LAMA2: variants seen among roughly 807,000 people sequenced by gnomAD.
LAMA2 encodes laminin subunit alpha-2.
Under a neutral mutation model 364.8 loss-of-function variants are expected in LAMA2, and 269 were observed. That is an observed-to-expected ratio of 0.74 (90% CI 0.67 to 0.82). LAMA2 has a LOEUF of 0.82. LAMA2 is among the 40% of genes least tolerant of loss of function. The pLI is 0.00. For synonymous variants in LAMA2, 1,379 were observed against 1,370.6 expected (o/e 1.01, Z -0.14); for missense variants, 3,807 against 3,873.2 (o/e 0.98, Z 0.45).
chr6:129,251,419 G>T (rs11966152), intron 13 of LAMA2, among the ~76,000 whole-genome samples: 11 of 151,596 alleles, frequency 7.3e-5, no homozygotes, highest in Admixed American at 5.3e-4. Flanking sequence ...TGTAACTTTC[G>T]TGCACTTTTT....
chr6:129,239,153 G>A (rs1352575485), intron 12 of LAMA2, among the ~76,000 whole-genome samples: 10 of 152,098 alleles, frequency 6.6e-5, no homozygotes, highest in African/African-American at 2.4e-4. Context: ...TCACAACAAC[G>A]CTATGAGGTA....
Position 129,135,947 on chromosome 6 carries a change from A to G in LAMA2, c.640-7954A>G, listed in dbSNP as rs537400187. Reference sequence around the variant, plus strand: ...ACACAAAGATAAATACAATATTTCAACTTCGAGTACTTTTTAAAAATTATT... The same window carrying G: ...ACACAAAGATAAATACAATATTTCAGCTTCGAGTACTTTTTAAAAATTATT... On this transcript the variant is annotated intron_variant, in intron 4 of 64. Transcript: ENST00000421865. Among the ~76,000 whole-genome samples, 70 of 152,314 alleles carry G rather than the reference A, an allele frequency of 4.6e-4. 1 individual carries two copies. In the South Asian group the frequency reaches 6.6e-3, roughly 14 times the overall value.
intron 1 of LAMA2, among the ~76,000 whole-genome samples, chr6:128,996,114 TAAAC>T (rs1403101051): frequency 6.6e-6 from 1 of 152,184 alleles, no homozygotes; most frequent in Non-Finnish European, 1.5e-5. Flanking sequence ...ATGAAGGAAT[TAAAC>T]AAGGTGACAC....
intron 3 of LAMA2, among the ~76,000 whole-genome samples, chr6:129,076,490 A>ATAT (rs932272643): frequency 1.6e-3 from 20 of 12,428 alleles, no homozygotes; most frequent in Non-Finnish European, 4.2e-3. Context: ...TATCTTATAT[A>ATAT]TTATATATAA....
At chr6:129,405,929 A>G (rs746066430) in intron 40 of LAMA2, among the ~76,000 whole-genome samples, 1 of 152,180 alleles carries the variant, frequency 6.6e-6, no homozygotes, top group Non-Finnish European at 1.5e-5. Flanking sequence ...CTTTGAGTCT[A>G]GCCCTATAAA....
chr6:129,434,919 A>G (rs559270490), intron 41 of LAMA2, among the ~76,000 whole-genome samples: 1 of 152,274 alleles, frequency 6.6e-6, no homozygotes, highest in Non-Finnish European at 1.5e-5. Context: ...AGGGCAAATT[A>G]ATAAGGATCA....
At chr6:129,163,331 G>T (rs530825233) in intron 8 of LAMA2, among the ~76,000 whole-genome samples, 2 of 152,086 alleles carry the variant, frequency 1.3e-5, no homozygotes, top group Non-Finnish European at 2.9e-5. Flanking sequence ...TTTACTAGCT[G>T]ATTTTAAAAT....
In LAMA2 at chr6:128,894,684, A is replaced by C. The variant is rs533911286; in HGVS notation, c.112+11327A>C. ...TACCCAAGATTTAATAAATTTAATC[A>C]TTGTTACTACTTCATCAAGTACATT... is the stretch of plus-strand genomic sequence containing the variant. On this transcript the variant is annotated intron_variant, in intron 1 of 64. Coordinates refer to ENST00000421865, the MANE Select transcript of LAMA2 (RefSeq NM_000426.4). 3.8e-3 allele frequency among the ~76,000 whole-genome samples: 573 copies of C among 152,348 alleles called. 3 individuals carry two copies. Among genetic ancestry groups the C allele is most frequent in the African/African-American group, 0.013 (535 of 41,582 alleles).
At chr6:129,281,979 A>G (rs1788748858) in intron 18 of LAMA2, among the ~76,000 whole-genome samples, 1 of 152,194 alleles carries the variant, frequency 6.6e-6, no homozygotes, top group Non-Finnish European at 1.5e-5. Flanking sequence ...TTGAAGTAGA[A>G]GAGAGGGAAG....
intron 12 of LAMA2, among the ~76,000 whole-genome samples, chr6:129,232,477 C>T (rs1014404098): frequency 5.3e-5 from 8 of 152,042 alleles, no homozygotes; most frequent in African/African-American, 1.7e-4. Context: ...TATCTTAGAA[C>T]AAAATATAGA....
intron 1 of LAMA2, among the ~76,000 whole-genome samples, chr6:128,977,378 G>A (rs1186038473): frequency 6.8e-6 from 1 of 146,486 alleles, no homozygotes; most frequent in Non-Finnish European, 1.5e-5. Flanking sequence ...TTCCACCTCC[G>A]CACCCCCAAG....
At chr6:129,440,210 G>A (rs904588071) in intron 42 of LAMA2, among the ~76,000 whole-genome samples, 1 of 151,544 alleles carries the variant, frequency 6.6e-6, no homozygotes. Context: ...ATTAGGATCA[G>A]GAGACAAATG....
chr6:129,344,458 C>T (rs763192183), intron 30 of LAMA2, among the ~76,000 whole-genome samples: 3 of 151,948 alleles, frequency 2.0e-5, no homozygotes, highest in African/African-American at 4.8e-5. Flanking sequence ...AGGAGAGAGC[C>T]GTTAGAGAAG....
At chr6:129,130,505 T>A in intron 4 of LAMA2, among the ~76,000 whole-genome samples, 1 of 152,196 alleles carries the variant, frequency 6.6e-6, no homozygotes, top group East Asian at 1.9e-4. Context: ...GTGTCTTTAT[T>A]TGCACCTTAT....
chr6:129,231,298 A>G (rs1433264648), intron 12 of LAMA2, among the ~76,000 whole-genome samples: 1 of 152,118 alleles, frequency 6.6e-6, no homozygotes, highest in Admixed American at 6.6e-5. Context: ...AGGAATTGCT[A>G]CCAATCGTTT....
intron 1 of LAMA2, among the ~76,000 whole-genome samples, chr6:129,019,249 A>G (rs1007215559): frequency 4.6e-5 from 7 of 151,830 alleles, no homozygotes; most frequent in Admixed American, 2.0e-4. Flanking sequence ...TGGCAGGCCC[A>G]TTCAATTTAT....
At chr6:128,968,328 A>C (rs749534781) in intron 1 of LAMA2, among the ~76,000 whole-genome samples, 8 of 152,102 alleles carry the variant, frequency 5.3e-5, no homozygotes, top group Non-Finnish European at 1.2e-4. Flanking sequence ...TTGAGCTCTT[A>C]TGAGGTGCCA....
intron 3 of LAMA2, among the ~76,000 whole-genome samples, chr6:129,097,495 T>A (rs1302985194): frequency 2.6e-5 from 4 of 152,246 alleles, no homozygotes; most frequent in African/African-American, 9.6e-5. Context: ...TCACCCCTTT[T>A]CTTGCATGTT....
chr6:129,023,691 A>G (rs553416623), intron 1 of LAMA2, among the ~76,000 whole-genome samples: 10 of 152,128 alleles, frequency 6.6e-5, no homozygotes, highest in African/African-American at 2.2e-4. Flanking sequence ...CCTTTCCGCC[A>G]TGTTTCTATC....
Sources: allele counts gnomAD v4.1 joint callset (sites outside exome capture counted in the v4.1 genomes callset), GRCh38; gene constraint gnomAD v4.1.1; transcripts MANE v1.5; gene names NCBI Gene and HGNC (gene_info 2026-07-23, HGNC 2026-07-21).